ABLIM1: variants seen among roughly 807,000 people sequenced by gnomAD.
The protein encoded by ABLIM1 is actin-binding LIM protein 1.
In ABLIM1, 40 loss-of-function variants were observed where a neutral mutation model predicts 107.0. The observed-to-expected ratio is 0.37, with a 90% CI of 0.29 to 0.49. The LOEUF is 0.49. Ranked by LOEUF, ABLIM1 falls within the 20% of genes least tolerant of loss-of-function variation. ABLIM1 has a pLI of 0.97. For synonymous variants in ABLIM1, 357 were observed against 357.3 expected (o/e 1.00, Z 0.01); for missense variants, 857 against 1,008.5 (o/e 0.85, Z 2.04).
chr10:114,505,454 C>A (rs1235466027), intron 6 of ABLIM1, among the ~76,000 whole-genome samples: 1 of 152,210 alleles, frequency 6.6e-6, no homozygotes, highest in African/African-American at 2.4e-5. Context: ...CAAAGAATCG[C>A]TCCCATGCCA....
intron 1 of ABLIM1, among the ~76,000 whole-genome samples, chr10:114,622,941 T>C (rs2077559716): frequency 1.3e-5 from 2 of 152,224 alleles, no homozygotes; most frequent in African/African-American, 2.4e-5. Flanking sequence ...TGAGCCAAGA[T>C]AGCTGATTAA....
At chr10:114,783,010 G>A in the ABLIM1 span, among the ~76,000 whole-genome samples, 5 of 151,974 alleles carry the variant, frequency 3.3e-5, no homozygotes, top group Non-Finnish European at 7.4e-5. Flanking sequence ...GGCCAGGCAC[G>A]GTGGCTCACG....
chr10:114,498,348 G>A (rs1399487302), intron 6 of ABLIM1, among the ~76,000 whole-genome samples: 1 of 152,188 alleles, frequency 6.6e-6, no homozygotes, highest in Non-Finnish European at 1.5e-5. Flanking sequence ...CTTGATGGCA[G>A]AAAAATGGAG....
chr10:114,651,331 A>T (rs766408358), intron 1 of ABLIM1, among the ~76,000 whole-genome samples: 11 of 152,194 alleles, frequency 7.2e-5, no homozygotes, highest in Non-Finnish European at 1.3e-4. Flanking sequence ...TAAACAGGCA[A>T]CTTGAACAAA....
At chr10:114,452,497 G>T (rs544688732) in intron 13 of ABLIM1, among the ~76,000 whole-genome samples, 1 of 152,150 alleles carries the variant, frequency 6.6e-6, no homozygotes, top group African/African-American at 2.4e-5. Flanking sequence ...ATAAATCTCA[G>T]TGAACTTTCC....
chr10:114,588,582 C>T (rs1591428626), intron 2 of ABLIM1, among the ~76,000 whole-genome samples: 1 of 143,456 alleles, frequency 7.0e-6, no homozygotes, highest in East Asian at 2.2e-4. Flanking sequence ...GCAACCTCTA[C>T]CTCCACAGTT....
chr10:114,653,208 G>C (rs2079333793), intron 1 of ABLIM1, among the ~76,000 whole-genome samples: 1 of 152,204 alleles, frequency 6.6e-6, no homozygotes, highest in East Asian at 1.9e-4. Flanking sequence ...TTCCTGCTTT[G>C]TTGAGTCATT....
intron 1 of ABLIM1, among the ~76,000 whole-genome samples, chr10:114,625,197 G>A (rs2077711691): frequency 1.3e-5 from 2 of 152,150 alleles, no homozygotes; most frequent in Admixed American, 1.3e-4. Flanking sequence ...TCAACCCGTG[G>A]CTAGGAGTGG....
At chr10:114,604,364 T>C (rs941582068) in intron 1 of ABLIM1, among the ~76,000 whole-genome samples, 2 of 152,126 alleles carry the variant, frequency 1.3e-5, no homozygotes, top group African/African-American at 4.8e-5. Flanking sequence ...CTCTAATTTA[T>C]ATGGCAAGTT....
At chr10:114,510,567 A>G (rs1432580586) in intron 6 of ABLIM1, among the ~76,000 whole-genome samples, 1 of 152,006 alleles carries the variant, frequency 6.6e-6, no homozygotes, top group Non-Finnish European at 1.5e-5. Context: ...TTTTTTGTAT[A>G]AAATAGTCTA....
chr10:114,786,620 G>A, the ABLIM1 span, among the ~76,000 whole-genome samples: 16 of 152,316 alleles, frequency 1.1e-4, no homozygotes, highest in East Asian at 3.1e-3. Context: ...ACCTACAGGT[G>A]GCAAGAAAAG....
Position 114,445,377 on chromosome 10 carries a change from C to T in ABLIM1, c.1762G>A (p.Gly588Ser), listed in dbSNP as rs544448998. 1.2e-5 allele frequency: 20 copies of T among 1,613,920 alleles called. 1 individual carries two copies. The South Asian group carries it at 1.9e-4, about 15-fold the overall frequency. Residue 588 changes from glycine to serine, a missense_variant, in exon 16 of 23, where the codon GGC (glycine) becomes AGC (serine). Around this residue, in one of 5 missense-constraint regions of ABLIM1, gnomAD observed 103 missense variants for 101.0 expected, o/e 1.02. Coordinates refer to ENST00000533213, the MANE Select transcript of ABLIM1 (RefSeq NM_002313.7). ...AGTTCCTCATCATCTTCCTCTCTGC[C>T]ACTAGATCTGCGTTTCATGTCAGGT... The part of the protein sequence containing the change: ...VGPDMKRRSS[G>S]REEDDEELLR...
rs531095748 is a variant in ABLIM1 at position 114,635,856 on chromosome 10, A to T, written c.244+22101T>A. ...CTCTTTAGCTAAAAGCATGCTCAGA[A>T]TCCTTTCTAGCAGAATTCAGCCAAA... On this transcript the variant is annotated intron_variant, in intron 1 of 22. Coordinates refer to ENST00000533213, the MANE Select transcript of ABLIM1 (RefSeq NM_002313.7). Among the ~76,000 whole-genome samples the T allele has an allele frequency of 1.1e-4, 16 of 152,298 alleles. No individual in the cohort carries two copies. In the East Asian group the frequency reaches 2.7e-3, roughly 26 times the overall value.
At chr10:114,614,616 AAC>A in intron 1 of ABLIM1, among the ~76,000 whole-genome samples, 1 of 152,312 alleles carries the variant, frequency 6.6e-6, no homozygotes, top group South Asian at 2.1e-4. Flanking sequence ...AGTTTTCACA[AAC>A]ACAACTTGCC....
At chr10:114,656,100 A>G (rs2079499908) in intron 1 of ABLIM1, among the ~76,000 whole-genome samples, 1 of 152,024 alleles carries the variant, frequency 6.6e-6, no homozygotes, top group East Asian at 1.9e-4. Flanking sequence ...GTGAAACCCC[A>G]TCTCTACTAA....
At chr10:114,646,820 TC>T (rs2079031163) in intron 1 of ABLIM1, among the ~76,000 whole-genome samples, 1 of 152,160 alleles carries the variant, frequency 6.6e-6, no homozygotes, top group South Asian at 2.1e-4. Context: ...CCTGTTTGCA[TC>T]TTCTTTAAAC....
At chr10:114,763,482 G>A (rs2082801868) in intron 1 of ABLIM1, among the ~76,000 whole-genome samples, 1 of 151,916 alleles carries the variant, frequency 6.6e-6, no homozygotes. Flanking sequence ...CCACATCCCA[G>A]GTTCAAGCAA....
At chr10:114,632,473 A>G in intron 1 of ABLIM1, 5 of 985,448 alleles carry the variant, frequency 5.1e-6, no homozygotes, top group Non-Finnish European at 6.0e-6. Context: ...AACTGGATAA[A>G]TAAAATTGGC....
At chr10:114,677,865 C>A (rs758162648) in intron 1 of ABLIM1, among the ~76,000 whole-genome samples, 1 of 152,154 alleles carries the variant, frequency 6.6e-6, no homozygotes, top group Non-Finnish European at 1.5e-5. Flanking sequence ...AGATTTCTAG[C>A]AAAAAACTGT....
Sources: gnomAD v4.1 joint callset for allele counts (sites outside exome capture counted in the v4.1 genomes callset) on GRCh38, gnomAD v4.1.1 for gene constraint, gnomAD v4.1.1 regional missense constraint, MANE v1.5 for transcripts, NCBI Gene and HGNC (gene_info 2026-07-23, HGNC 2026-07-21) for gene names.